DMTN: variants seen among roughly 807,000 people sequenced by gnomAD.
DMTN encodes the protein dematin.
Under a neutral mutation model 59.4 loss-of-function variants are expected in DMTN, and 27 were observed. The ratio of observed to expected loss-of-function variants is 0.45; its 90% CI spans 0.33 to 0.63. The LOEUF (loss-of-function observed/expected upper bound fraction) is 0.63, where lower values mean the gene tolerates loss of function less well. Among genes scored for constraint, DMTN ranks in the 20% least tolerant of loss-of-function variants. The pLI is 0.02. For missense variants in DMTN, 451 were observed against 528.9 expected (o/e 0.85, Z 1.45); for synonymous variants, 221 against 203.7 (o/e 1.08, Z -0.72).
upstream of DMTN, among the ~76,000 whole-genome samples, chr8:22,056,563 T>A (rs1422133052): frequency 6.6e-6 from 1 of 152,154 alleles, no homozygotes; most frequent in Non-Finnish European, 1.5e-5. Flanking sequence ...TGGGTGCGTG[T>A]GGGTGTGTGT....
intron 5 of DMTN, 132 bp from the exon 6 acceptor site, chr8:22,069,287 A>G (rs1000000099): frequency 2.2e-6 from 2 of 913,046 alleles, no homozygotes; most frequent in Non-Finnish European, 3.3e-6. Flanking sequence ...ACTGTGCCAC[A>G]ACATTGCCCT....
chr8:22,078,577 A>G, intron 10 of DMTN, among the ~76,000 whole-genome samples: 1 of 151,668 alleles, frequency 6.6e-6, no homozygotes, highest in East Asian at 1.9e-4. Flanking sequence ...AGATCACCTC[A>G]AGCTAAGGAT....
intron 4 of DMTN, among the ~76,000 whole-genome samples, chr8:22,068,722 G>A (rs75004044): frequency 0.034 from 5,223 of 151,624 alleles, 94 homozygotes; most frequent in African/African-American, 0.05. Context: ...AGATGAGAGC[G>A]GGAGAGAGGA....
chr8:22,061,661 C>A (rs1445707342), intron 1 of DMTN, among the ~76,000 whole-genome samples: 6 of 152,168 alleles, frequency 3.9e-5, no homozygotes, highest in Non-Finnish European at 7.3e-5. Flanking sequence ...CCTCCTGCCC[C>A]TCTCTGTGTG....
intron 9 of DMTN, 81 bp downstream of exon 9, chr8:22,072,531 C>A: frequency 2.1e-6 from 3 of 1,399,740 alleles, no homozygotes; most frequent in Non-Finnish European, 1.9e-6. Flanking sequence ...GTGGCATGAT[C>A]TCAGATCACT....
At chr8:22,053,325 G>A (rs535107142), upstream of DMTN, among the ~76,000 whole-genome samples, 1 of 152,306 alleles carries the variant, frequency 6.6e-6, no homozygotes, top group South Asian at 2.1e-4. Flanking sequence ...CTAGGGTCTG[G>A]GCAGCAGAGT....
upstream of DMTN, among the ~76,000 whole-genome samples, chr8:22,052,289 T>G (rs1801433206): frequency 6.6e-6 from 1 of 152,192 alleles, no homozygotes; most frequent in Non-Finnish European, 1.5e-5. Flanking sequence ...CATCTTTTCC[T>G]CCCCGACAGT....
chr8:22,067,236 C>T, intron 3 of DMTN, 77 bp downstream of exon 3: 1 of 1,469,978 alleles, frequency 6.8e-7, no homozygotes, highest in South Asian at 1.2e-5. Context: ...GCTAGCGTGC[C>T]TTCCCGCAGA....
chr8:22,079,137 T>A (rs1276320022), intron 10 of DMTN, among the ~76,000 whole-genome samples: 1 of 150,908 alleles, frequency 6.6e-6, no homozygotes, highest in African/African-American at 2.4e-5. Context: ...AGGCCAAGCA[T>A]AGTGGCTCAC....
chr8:22,082,449 T>C lies in DMTN; in HGVS notation c.*986T>C, dbSNP rs1168968230. The stretch of plus-strand genomic sequence containing the variant: ...TATTGCTCCTGCCCAGACCCTGACA[T>C]CCCTTTCCACTGTGTGTGTGACCAT... On this transcript the variant is annotated 3_prime_UTR_variant, in exon 16 of 16. Coordinates refer to ENST00000358242, the MANE Select transcript of DMTN (RefSeq NM_001387751.1). 1 of 343,452 alleles carries C rather than the reference T, an allele frequency of 2.9e-6. No individual in the cohort carries two copies. The highest frequency in any genetic ancestry group is 3.8e-5 in the Admixed American group (1 of 26,004). The allele number at this position is 343,452 out of a possible 1,614,324, so 21.3% of individuals were successfully genotyped here.
chr8:22,065,827 C>CTTTTTTT (rs76626050), intron 1 of DMTN, among the ~76,000 whole-genome samples: 12 of 74,596 alleles, frequency 1.6e-4, no homozygotes, highest in Admixed American at 3.2e-4. Flanking sequence ...AGAGCAAGAC[C>CTTTTTTT]TTTTTTTTTT....
chr8:22,080,773 G>A (rs368238982), intron 13 of DMTN, 32 bp from the exon 14 acceptor site: 59 of 1,603,486 alleles, frequency 3.7e-5, no homozygotes, highest in Admixed American at 2.1e-4. Flanking sequence ...TCCCTGCCCC[G>A]CTCTGGCTCA....
chr8:22,080,248 AG>A lies in DMTN; in HGVS notation c.900+6del, dbSNP rs1210044579. The A allele has an allele frequency of 1.2e-6, 2 of 1,614,222 alleles. No homozygotes were observed. The highest frequency in any genetic ancestry group is 1.7e-6 in the Non-Finnish European group (2 of 1,180,032). On this transcript the variant is annotated splice_donor_5th_base_variant and intron_variant, in intron 11 of 15. Transcript: ENST00000358242. ...TGGCAGGACCACCCTGAGCCGGGTAAGGTCTCAGGACCAGAGATATAGACTA... is the reference window on the plus strand; with the variant it reads ...TGGCAGGACCACCCTGAGCCGGGTAAGTCTCAGGACCAGAGATATAGACTA...
Position 22,080,813 on chromosome 8 carries a change from G to A in DMTN, c.966G>A (p.Glu322=). The change falls in exon 14 of 16, where the codon GAG becomes GAA. Residue 322 remains glutamate (E), a synonymous_variant. Coordinates refer to ENST00000358242, the MANE Select transcript of DMTN (RefSeq NM_001387751.1). ...ETGSPGLQNG[E]GQRGRMDRGN... ...GGCTTTGGTCTCCCCAGAACGGAGA[G>A]GGCCAGAGGGGGAGGATGGACCGGG... 5.0e-6 allele frequency: 8 copies of A among 1,603,530 alleles called. No individual in the cohort carries two copies. Among genetic ancestry groups the A allele is most frequent in the Non-Finnish European group, 6.8e-6 (8 of 1,173,320 alleles).
chr8:22,079,301 T>TATATATATA (rs199745360), intron 10 of DMTN, among the ~76,000 whole-genome samples: 42 of 84,828 alleles, frequency 5.0e-4, no homozygotes, highest in African/African-American at 9.6e-4. Flanking sequence ...TATATATATA[T>TATATATATA]TAGCTGGGTT....
At chr8:22,075,959 G>C (rs1435613525) in intron 10 of DMTN, among the ~76,000 whole-genome samples, 3 of 152,306 alleles carry the variant, frequency 2.0e-5, no homozygotes, top group African/African-American at 4.8e-5. Context: ...AAACGATGTG[G>C]GTCCAGAGAA....
intron 8 of DMTN, among the ~76,000 whole-genome samples, chr8:22,070,558 C>T (rs1814554295): frequency 6.6e-6 from 1 of 152,134 alleles, no homozygotes; most frequent in African/African-American, 2.4e-5. Context: ...ATTTGCTTTC[C>T]ATTCATTTAT....
At chr8:22,075,353 T>C (rs1269840881) in intron 10 of DMTN, among the ~76,000 whole-genome samples, 4 of 145,254 alleles carry the variant, frequency 2.8e-5, no homozygotes, top group Non-Finnish European at 4.5e-5. Flanking sequence ...TCTTTCTTCT[T>C]TCTTCTTCTT....
In DMTN at chr8:22,060,492, C is replaced by G. The variant is rs995071690; in HGVS notation, c.-172+3356C>G. Among the ~76,000 whole-genome samples, 2 of 152,196 alleles carry G rather than the reference C, an allele frequency of 1.3e-5. No individual in the cohort carries two copies. The highest frequency in any genetic ancestry group is 2.1e-4 in the South Asian group (1 of 4,824). ...ACACACTCTTCTCCACCCCCATTTT[C>G]CCGGCTGGCCTTCTGACAGCTTAAA... On this transcript the variant is annotated intron_variant, in intron 1 of 15. Coordinates refer to ENST00000358242, the MANE Select transcript of DMTN (RefSeq NM_001387751.1). The surrounding 1 kb of genome is among the most constrained non-coding windows in gnomAD (Gnocchi z 5.0).
Sources: allele counts gnomAD v4.1 joint callset (sites outside exome capture counted in the v4.1 genomes callset), GRCh38; gene constraint gnomAD v4.1.1; non-coding constraint Gnocchi (gnomAD v3.1); transcripts MANE v1.5; gene names NCBI Gene and HGNC (gene_info 2026-07-23, HGNC 2026-07-21).